The following TTC28 variants were observed in gnomAD, a reference collection of about 807,000 sequenced individuals.
TTC28 encodes tetratricopeptide repeat domain 28, also known as tetratricopeptide repeat protein 28.
A neutral mutation model predicts 198.0 loss-of-function variants in TTC28; 61 were observed. The observed-to-expected ratio is 0.31, with a 90% CI of 0.25 to 0.38. TTC28 has a LOEUF of 0.38. Ranked by LOEUF, TTC28 falls within the 10% of genes least tolerant of loss-of-function variation. The probability of loss-of-function intolerance (pLI) is 1.00; values close to 1 mark genes in which losing one functional copy is unlikely to be tolerated. For missense variants in TTC28, 2,678 were observed against 3,164.0 expected (o/e 0.85, Z 3.69); for synonymous variants, 1,171 against 1,297.8 (o/e 0.90, Z 2.10).
rs573335035 is a variant in TTC28, at chr22:27,995,155, G to T, written c.5244+980C>A. ...GGCCCTGTTCAGGCCCAACCCACGG[G>T]CAAGAAGTTTGCATGGCCCAGGAGA... is the stretch of plus-strand genomic sequence containing the variant. On this transcript the variant is annotated intron_variant, in intron 17 of 22. Transcript: ENST00000397906. 7.9e-5 allele frequency among the ~76,000 whole-genome samples: 12 copies of T among 152,338 alleles called. 1 individual carries two copies. The East Asian group carries it at 2.1e-3, about 27-fold the overall frequency.
intron 12 of TTC28, among the ~76,000 whole-genome samples, chr22:28,043,799 A>C (rs927432081): frequency 6.6e-6 from 1 of 152,144 alleles, no homozygotes; most frequent in African/African-American, 2.4e-5. Context: ...TACTGCCCAA[A>C]GCCACAGCTC....
chr22:28,506,456 G>A (rs1200262173), intron 2 of TTC28, among the ~76,000 whole-genome samples: 1 of 152,092 alleles, frequency 6.6e-6, no homozygotes, highest in Non-Finnish European at 1.5e-5. Context: ...CATCTCAGTG[G>A]TTCGGTAGAC....
Position 28,105,438 on chromosome 22 carries a change from G to C in TTC28, c.3148C>G (p.Leu1050Val). ...ACCACAGCCCTCTCGAAGGTGCCCA[G>C]GGATTCATAAGTCAGGCCCAGGTTC... ...YGNLGLTYES[L>V]GTFERAVVYQ... Residue 1050 changes from leucine (L) to valine (V), a missense_variant, in exon 8 of 23, where the codon CTG becomes GTG. By Grantham distance (32) the Leu-to-Val change is conservative. Transcript: ENST00000397906. 1 of 1,551,710 alleles carries C rather than the reference G, an allele frequency of 6.4e-7. No individual in the cohort carries two copies. The highest frequency in any genetic ancestry group is 2.4e-5 in the East Asian group (1 of 40,926).
intron 2 of TTC28, among the ~76,000 whole-genome samples, chr22:28,398,802 A>G (rs1312571444): frequency 2.0e-5 from 3 of 152,190 alleles, no homozygotes; most frequent in African/African-American, 7.2e-5. Context: ...CTTCATAATA[A>G]TATTTTTCTC....
At chr22:28,263,804 G>A (rs919274270) in intron 5 of TTC28, among the ~76,000 whole-genome samples, 1 of 151,410 alleles carries the variant, frequency 6.6e-6, no homozygotes, top group African/African-American at 2.5e-5. Context: ...GGTTAGTCAG[G>A]ATAGAGGATA....
intron 6 of TTC28, among the ~76,000 whole-genome samples, chr22:28,142,599 TA>T (rs1943367191): frequency 1.3e-5 from 2 of 152,144 alleles, no homozygotes; most frequent in African/African-American, 4.8e-5. Context: ...TTTTGGAATC[TA>T]GATCATAAAT....
intron 2 of TTC28, among the ~76,000 whole-genome samples, chr22:28,564,112 T>C (rs900731857): frequency 1.3e-5 from 2 of 152,120 alleles, no homozygotes; most frequent in Admixed American, 1.3e-4. Context: ...AGATTGGTGG[T>C]TGCCAGGGGC....
rs1951015859 is a variant in TTC28, at chr22:27,978,261, G to A, written c.*3960C>T. ...TGTCTGAGGAGGGGCAGGGCCACAGGTGTCCTGACAGGGAACATCTTTGAA... is the reference window on the plus strand; with the variant it reads ...TGTCTGAGGAGGGGCAGGGCCACAGATGTCCTGACAGGGAACATCTTTGAA... On this transcript the variant is annotated 3_prime_UTR_variant, in exon 23 of 23. Coordinates refer to ENST00000397906, the MANE Select transcript of TTC28 (RefSeq NM_001145418.2). 1.3e-5 allele frequency: 2 copies of A among 152,250 alleles called. No homozygotes were observed. The highest frequency in any genetic ancestry group is 1.3e-4 in the Admixed American group (2 of 15,288). 9.4% of individuals were successfully genotyped at this position (152,250 alleles called of 1,614,324 possible).
chr22:28,153,947 G>A (rs1036849454), intron 6 of TTC28, among the ~76,000 whole-genome samples: 7 of 152,176 alleles, frequency 4.6e-5, no homozygotes, highest in African/African-American at 1.7e-4. Flanking sequence ...TGTGTGGGAA[G>A]TGGCTCCTGA....
intron 2 of TTC28, among the ~76,000 whole-genome samples, chr22:28,513,086 T>A (rs181026954): frequency 6.7e-6 from 1 of 149,546 alleles, no homozygotes; most frequent in East Asian, 2.0e-4. Context: ...GATCAGGCGA[T>A]CCTCTCACCT....
chr22:28,215,622 ATGTG>A (rs765106778), intron 5 of TTC28, among the ~76,000 whole-genome samples: 4 of 150,840 alleles, frequency 2.7e-5, no homozygotes, highest in Admixed American at 6.6e-5. Context: ...GTGTGTGTGT[ATGTG>A]TGTGTGTGTG....
chr22:28,405,758 C>G (rs2046989307), intron 2 of TTC28, among the ~76,000 whole-genome samples: 1 of 152,244 alleles, frequency 6.6e-6, no homozygotes, highest in African/African-American at 2.4e-5. Flanking sequence ...GAAAGCACCA[C>G]TCCATAAGAT....
At chr22:28,219,714 G>C (rs1281737751) in intron 5 of TTC28, among the ~76,000 whole-genome samples, 1 of 152,098 alleles carries the variant, frequency 6.6e-6, no homozygotes, top group African/African-American at 2.4e-5. Flanking sequence ...AGAACAAAAT[G>C]GGAAAATTAA....
chr22:28,080,274 T>C (rs1165214448), intron 12 of TTC28, among the ~76,000 whole-genome samples: 1 of 152,206 alleles, frequency 6.6e-6, no homozygotes, highest in African/African-American at 2.4e-5. Context: ...CTGTTTTCTA[T>C]AGCAGCTCCA....
intron 2 of TTC28, among the ~76,000 whole-genome samples, chr22:28,558,922 C>G (rs552911107): frequency 6.6e-6 from 1 of 151,570 alleles, no homozygotes; most frequent in East Asian, 2.0e-4. Flanking sequence ...GTAATCCCAG[C>G]TACTCAGGAG....
intron 2 of TTC28, among the ~76,000 whole-genome samples, chr22:28,337,066 C>T (rs1003290919): frequency 1.3e-5 from 2 of 152,106 alleles, no homozygotes; most frequent in African/African-American, 2.4e-5. Flanking sequence ...TTTCAAAGAA[C>T]ATCTTTATTT....
chr22:28,523,167 T>C (rs1432992213), intron 2 of TTC28, among the ~76,000 whole-genome samples: 1 of 151,770 alleles, frequency 6.6e-6, no homozygotes, highest in East Asian at 1.9e-4. Context: ...GCAAAAGATG[T>C]AACATGTAAA....
At chr22:28,382,444 C>T (rs1415565966) in intron 2 of TTC28, among the ~76,000 whole-genome samples, 1 of 152,124 alleles carries the variant, frequency 6.6e-6, no homozygotes, top group Admixed American at 6.6e-5. Context: ...TGATATTCAC[C>T]TTGTAACATA....
intron 5 of TTC28, among the ~76,000 whole-genome samples, chr22:28,218,165 G>C (rs1040944109): frequency 6.6e-6 from 1 of 152,136 alleles, no homozygotes; most frequent in African/African-American, 2.4e-5. Context: ...TGAACTTTCT[G>C]TACTCTGTTA....
Sources: gnomAD v4.1 joint callset for allele counts (sites outside exome capture counted in the v4.1 genomes callset) on GRCh38, gnomAD v4.1.1 for gene constraint, MANE v1.5 for transcripts, NCBI Gene and HGNC (gene_info 2026-07-23, HGNC 2026-07-21) for gene names.